The following WARS2 variants were observed in gnomAD, a reference collection of about 807,000 sequenced individuals.
WARS2 encodes tryptophan--tRNA ligase, mitochondrial.
In WARS2, 28 loss-of-function variants were observed where a neutral mutation model predicts 36.5. The observed-to-expected ratio is 0.77, with a 90% CI of 0.57 to 1.05. The LOEUF (loss-of-function observed/expected upper bound fraction) is 1.05, where lower values mean the gene tolerates loss of function less well. Among genes scored for constraint, WARS2 ranks in the 50% least tolerant of loss-of-function variants. The probability of loss-of-function intolerance (pLI) is 0.00; values close to 1 mark genes in which losing one functional copy is unlikely to be tolerated. For synonymous variants in WARS2, 174 were observed against 178.4 expected (o/e 0.98, Z 0.20); for missense variants, 435 against 456.8 (o/e 0.95, Z 0.44).
intron 1 of WARS2, among the ~76,000 whole-genome samples, chr1:119,104,757 G>C (rs1654117404): frequency 1.5e-5 from 2 of 136,026 alleles, no homozygotes; most frequent in African/African-American, 5.1e-5. Context: ...TAAATTGTAA[G>C]AAGAGGCCAA....
intron 4 of WARS2, among the ~76,000 whole-genome samples, chr1:119,040,139 G>A (rs764500185): frequency 6.6e-6 from 1 of 152,194 alleles, no homozygotes; most frequent in African/African-American, 2.4e-5. Flanking sequence ...AAACTTGAGA[G>A]AAAACATAAT....
At position 119,127,683 on chromosome 1, in the gene WARS2, A is replaced by G. The variant is rs587603685; in HGVS notation, c.90+12872T>C. 6.6e-5 allele frequency among the ~76,000 whole-genome samples: 10 copies of G among 152,238 alleles called. No homozygotes were observed. In the East Asian group the frequency reaches 1.9e-3, roughly 29 times the overall value. ...TTGGAGCTCCTCGATTTCCCACACT[A>G]TTCTCAGCAAACTTACCTAGACCCA... is the stretch of plus-strand genomic sequence containing the variant. On this transcript the variant is annotated intron_variant, in intron 1 of 5. Coordinates refer to ENST00000235521, the MANE Select transcript of WARS2 (RefSeq NM_015836.4).
intron 1 of WARS2, among the ~76,000 whole-genome samples, chr1:119,094,453 GT>G (rs764810130): frequency 3.2e-4 from 46 of 145,078 alleles, no homozygotes; most frequent in African/African-American, 9.1e-4. Context: ...ATATGTGTTT[GT>G]TTTTTTTTTA....
At chr1:119,045,152 C>T (rs1362090355) in intron 3 of WARS2, among the ~76,000 whole-genome samples, 1 of 152,178 alleles carries the variant, frequency 6.6e-6, no homozygotes, top group Non-Finnish European at 1.5e-5. Flanking sequence ...GAACTGTTGC[C>T]TGGACTCAAC....
chr1:119,115,858 C>T (rs1310653812), intron 1 of WARS2, among the ~76,000 whole-genome samples: 2 of 152,126 alleles, frequency 1.3e-5, no homozygotes, highest in Non-Finnish European at 2.9e-5. Context: ...GCTTTTTTCT[C>T]TCCCTTCAGG....
At chr1:119,080,398 T>G (rs1046946336) in intron 1 of WARS2, among the ~76,000 whole-genome samples, 9 of 152,132 alleles carry the variant, frequency 5.9e-5, no homozygotes, top group Admixed American at 5.2e-4. Context: ...GAAGAGACTG[T>G]GGGAAAAAAG....
chr1:119,137,384 T>C lies in WARS2; in HGVS notation c.90+3171A>G, dbSNP rs587760990. Among the ~76,000 whole-genome samples the C allele has an allele frequency of 1.2e-4, 18 of 152,344 alleles. 1 individual carries two copies. In the East Asian group the frequency reaches 2.5e-3, roughly 21 times the overall value. On this transcript the variant is annotated intron_variant, in intron 1 of 5. Transcript: ENST00000235521. ...GTAATTCTTCATCTAATGGCTATACTTAGCGATAGTTAACAGCAAGAACAT... is the reference window on the plus strand; with the variant it reads ...GTAATTCTTCATCTAATGGCTATACCTAGCGATAGTTAACAGCAAGAACAT...
chr1:119,063,964 C>T (rs1268036531), intron 2 of WARS2: 4 of 152,206 alleles, frequency 2.6e-5, no homozygotes, highest in African/African-American at 9.7e-5. Context: ...CCACCATCCT[C>T]CAGATCCCAG....
At chr1:119,122,068 T>C (rs1655360597) in intron 1 of WARS2, among the ~76,000 whole-genome samples, 1 of 152,192 alleles carries the variant, frequency 6.6e-6, no homozygotes, top group South Asian at 2.1e-4. Context: ...AAAAAGTGCC[T>C]GCACAGCAAA....
chr1:119,081,835 C>T (rs930863807), intron 1 of WARS2, among the ~76,000 whole-genome samples: 3 of 152,068 alleles, frequency 2.0e-5, no homozygotes, highest in African/African-American at 7.2e-5. Context: ...GAAGACCCGG[C>T]GTGACACTGG....
At chr1:119,042,592 A>C (rs2101121866) in intron 3 of WARS2, among the ~76,000 whole-genome samples, 1 of 152,226 alleles carries the variant, frequency 6.6e-6, no homozygotes, top group Non-Finnish European at 1.5e-5. Flanking sequence ...GGGATCCTGC[A>C]CTGCTACTAT....
intron 1 of WARS2, among the ~76,000 whole-genome samples, chr1:119,125,779 GTC>G (rs1655613807): frequency 2.0e-5 from 3 of 152,164 alleles, no homozygotes; most frequent in Admixed American, 2.0e-4. Context: ...GAAGCTGGCT[GTC>G]TCTCTGAGTC....
chr1:119,053,764 G>A (rs1357524985), intron 2 of WARS2, among the ~76,000 whole-genome samples: 1 of 152,164 alleles, frequency 6.6e-6, no homozygotes, highest in Admixed American at 6.5e-5. Flanking sequence ...GAACTCTTAA[G>A]GCCAGGTGCG....
chr1:119,087,232 T>C (rs1652740062), intron 1 of WARS2, among the ~76,000 whole-genome samples: 1 of 152,194 alleles, frequency 6.6e-6, no homozygotes, highest in South Asian at 2.1e-4. Context: ...GCAGGGACTA[T>C]CTTTTCCTTC....
At chr1:119,134,140 C>T (rs1656306154) in intron 1 of WARS2, among the ~76,000 whole-genome samples, 1 of 151,502 alleles carries the variant, frequency 6.6e-6, no homozygotes, top group Non-Finnish European at 1.5e-5. Context: ...TTCAGGGCTC[C>T]ATCCTCAGTG....
intron 1 of WARS2, among the ~76,000 whole-genome samples, chr1:119,092,899 A>G (rs953414722): frequency 1.3e-5 from 2 of 152,190 alleles, no homozygotes; most frequent in African/African-American, 2.4e-5. Context: ...TCATTTCTCC[A>G]TCTCCATCAA....
intron 1 of WARS2, among the ~76,000 whole-genome samples, chr1:119,082,861 T>C (rs1652308214): frequency 6.6e-6 from 1 of 152,202 alleles, no homozygotes; most frequent in Non-Finnish European, 1.5e-5. Flanking sequence ...TGTGGTAGTA[T>C]TAAAAGGCAG....
chr1:119,079,948 A>G (rs902392781), intron 1 of WARS2, among the ~76,000 whole-genome samples: 1 of 152,218 alleles, frequency 6.6e-6, no homozygotes, highest in African/African-American at 2.4e-5. Context: ...CAATATTTTT[A>G]AAATAATTCC....
chr1:119,076,862 G>A (rs187287111), intron 1 of WARS2, among the ~76,000 whole-genome samples: 7 of 152,152 alleles, frequency 4.6e-5, no homozygotes, highest in South Asian at 4.1e-4. Context: ...ATCTGCAGCC[G>A]GGCGTGGTGG....
Sources: allele counts gnomAD v4.1 joint callset (sites outside exome capture counted in the v4.1 genomes callset), GRCh38; gene constraint gnomAD v4.1.1; transcripts MANE v1.5; gene names NCBI Gene and HGNC (gene_info 2026-07-23, HGNC 2026-07-21).